Variants in TBC1D2 observed in about 807,000 individuals in gnomAD.
TBC1D2 encodes the protein TBC1 domain family member 2, also known as TBC1 domain family member 2A.
A neutral mutation model predicts 91.1 loss-of-function variants in TBC1D2; 58 were observed. The observed-to-expected ratio is 0.64, with a 90% CI of 0.52 to 0.79. The LOEUF is 0.79. Among genes scored for constraint, TBC1D2 ranks in the 30% least tolerant of loss-of-function variants. The pLI is 0.00. For missense variants in TBC1D2, 1,080 were observed against 1,208.3 expected, an observed-to-expected ratio of 0.89 and a Z score of 1.57; for synonymous variants, 482 against 511.5, an observed-to-expected ratio of 0.94 and a Z score of 0.78.
intron 6 of TBC1D2, among the ~76,000 whole-genome samples, chr9:98,219,648 T>C (rs984586544): frequency 6.6e-6 from 1 of 152,166 alleles, no homozygotes; most frequent in African/African-American, 2.4e-5. Context: ...CTGAATACCA[T>C]AGGTGGCTGT....
In TBC1D2 at chr9:98,244,076, CA is replaced by C; in HGVS notation, c.564del (p.Leu190Ter). 6.2e-7 allele frequency: 1 copy of C among 1,613,228 alleles called. No homozygotes were observed. The highest frequency in any genetic ancestry group is 8.5e-7 in the Non-Finnish European group (1 of 1,179,662). On this transcript the variant is annotated frameshift_variant, in exon 3 of 13. Coordinates refer to ENST00000465784, the MANE Select transcript of TBC1D2 (RefSeq NM_001267571.2). LOFTEE classifies it high-confidence loss of function. ...AAGGCAGCTGCCACGCCCACTAGCC[CA>C]GGGGGTGTTTTCACAGGGCACAGGA... ...EEFLCPVKTPPGLVGVAAALQ... is the reference protein window; with the variant it reads ...EEFLCPVKTPXGLVGVAAALQ...
intron 1 of TBC1D2, among the ~76,000 whole-genome samples, chr9:98,253,199 A>T (rs1475336295): frequency 6.6e-6 from 1 of 152,144 alleles, no homozygotes; most frequent in East Asian, 1.9e-4. Context: ...GGAACTTGAG[A>T]GTCTCCTGCA....
At chr9:98,219,127 T>C (rs569895189) in intron 6 of TBC1D2, among the ~76,000 whole-genome samples, 21 of 152,364 alleles carry the variant, frequency 1.4e-4, no homozygotes, top group African/African-American at 4.8e-4. Context: ...GTTTTCAGTC[T>C]TTGCTGAAAG....
chr9:98,224,702 T>C (rs1459846781), intron 5 of TBC1D2, among the ~76,000 whole-genome samples: 2 of 152,228 alleles, frequency 1.3e-5, no homozygotes, highest in African/African-American at 4.8e-5. Context: ...CTTTAAAAAA[T>C]AATCCTTTAT....
In TBC1D2 at chr9:98,220,755, G is replaced by A. The variant is rs1829074704; in HGVS notation, c.1374+78C>T. 4.0e-5 allele frequency: 62 copies of A among 1,556,528 alleles called. 1 individual carries two copies. In the South Asian group the frequency reaches 6.8e-4, roughly 17 times the overall value. Reference sequence around the variant, plus strand: ...CCCCACTCCACCTAGCAAACCCTTAGGGGTGGAGAGCGCACCTTCCCTGAG... The same window carrying A: ...CCCCACTCCACCTAGCAAACCCTTAAGGGTGGAGAGCGCACCTTCCCTGAG... On this transcript the variant is annotated intron_variant, in intron 6 of 12. Transcript: ENST00000465784.
rs1293926922 is a variant in TBC1D2, at chr9:98,201,042, A to G, written c.2457+437T>C. On this transcript the variant is annotated intron_variant, in intron 11 of 12. Coordinates refer to ENST00000465784, the MANE Select transcript of TBC1D2 (RefSeq NM_001267571.2). Reference sequence around the variant, plus strand: ...AAAAAAAAAAAAAAGAAAGAAAGAAATGAGAAATCTGTGGGTGCTTTGTAA... The same window carrying G: ...AAAAAAAAAAAAAAGAAAGAAAGAAGTGAGAAATCTGTGGGTGCTTTGTAA... Among the ~76,000 whole-genome samples the G allele has an allele frequency of 3.3e-5, 5 of 151,804 alleles. No individual in the cohort carries two copies. In the East Asian group the frequency reaches 5.8e-4, roughly 18 times the overall value.
In TBC1D2 at chr9:98,255,603, G is replaced by A. The variant is rs1333939539; in HGVS notation, c.-62C>T. ...CGCGGGACCACCAGGGACAAATCTC[G>A]GAGACTCGGCGGGCAGCTTCCCAAA... On this transcript the variant is annotated 5_prime_UTR_variant, in exon 1 of 13. Transcript: ENST00000465784. 8.4e-6 allele frequency: 12 copies of A among 1,426,626 alleles called. No individual in the cohort carries two copies. Among genetic ancestry groups the A allele is most frequent in the Non-Finnish European group, 1.0e-5 (11 of 1,094,466 alleles). The allele number at this position is 1,426,626 out of a possible 1,614,324, so 88.4% of individuals were successfully genotyped here. A position where few individuals can be genotyped will look rare whatever the true frequency, so the allele number is the denominator to read the frequency against.
rs747545565 is a variant in TBC1D2 at position 98,208,658 on chromosome 9, G to A, written c.2150+10C>T. 1 of 1,514,626 alleles carries A rather than the reference G, an allele frequency of 6.6e-7. No homozygotes were observed. The highest frequency in any genetic ancestry group is 8.8e-7 in the Non-Finnish European group (1 of 1,130,526). 93.8% of individuals were successfully genotyped at this position (1,514,626 alleles called of 1,614,324 possible). ...AAAGATCACACCTTCACTGGGCTTT[G>A]GTGGCTTACCTGTTCAGGCCCTGGC... On this transcript the variant is annotated intron_variant, in intron 9 of 12. Coordinates refer to ENST00000465784, the MANE Select transcript of TBC1D2 (RefSeq NM_001267571.2).
At position 98,221,021 on chromosome 9, in the gene TBC1D2, G is replaced by T. The variant is rs781338208; in HGVS notation, c.1186C>A (p.Gln396Lys). The change falls in exon 6 of 13, where the codon CAG becomes AAG. Residue 396 changes from glutamine (Q) to lysine (K), a missense_variant. Gln to Lys is a moderately conservative substitution (Grantham distance 53). Coordinates refer to ENST00000465784, the MANE Select transcript of TBC1D2 (RefSeq NM_001267571.2). ...ACGTGCTGCTGTAGCTCCTGCACCT[G>T]CTGCTCCCGCAGGCTCGCTGTGTGC... ...LAHTASLREQ[Q>K]VQELQQHVQL... 3.7e-6 allele frequency: 6 copies of T among 1,613,908 alleles called. No individual in the cohort carries two copies. In the South Asian group the frequency reaches 6.6e-5, roughly 18 times the overall value.
At chr9:98,233,578 G>A in intron 3 of TBC1D2, 29 bp from the exon 4 acceptor site, 1 of 1,611,792 alleles carries the variant, frequency 6.2e-7, no homozygotes, top group Non-Finnish European at 8.5e-7. Context: ...AGAGGAGCAT[G>A]AGGCTGAACC....
chr9:98,220,766 C>A (rs76685060), intron 6 of TBC1D2, 67 bp downstream of exon 6: 1 of 1,576,562 alleles, frequency 6.3e-7, no homozygotes, highest in Non-Finnish European at 8.6e-7. Context: ...GGGTGGAGAG[C>A]GCACCTTCCC....
chr9:98,200,823 C>G (rs918337567), intron 11 of TBC1D2, among the ~76,000 whole-genome samples: 19 of 152,102 alleles, frequency 1.2e-4, no homozygotes, highest in African/African-American at 3.9e-4. Context: ...CGAGACCAGC[C>G]TGGCCAACAT....
At chr9:98,208,215 G>T (rs988207291) in intron 9 of TBC1D2, among the ~76,000 whole-genome samples, 3 of 152,116 alleles carry the variant, frequency 2.0e-5, no homozygotes, top group South Asian at 2.1e-4. Flanking sequence ...CCTCTCACCA[G>T]CCTGTGGGTG....
At chr9:98,225,288 T>C (rs1829204410) in intron 5 of TBC1D2, among the ~76,000 whole-genome samples, 1 of 152,216 alleles carries the variant, frequency 6.6e-6, no homozygotes, top group Non-Finnish European at 1.5e-5. Flanking sequence ...CAATCAGCCA[T>C]CTGGTGCTAT....
At chr9:98,219,884 C>T (rs1025448131) in intron 6 of TBC1D2, among the ~76,000 whole-genome samples, 1 of 152,156 alleles carries the variant, frequency 6.6e-6, no homozygotes, top group Non-Finnish European at 1.5e-5. Context: ...TTGTATGGCT[C>T]CCTTTACGGA....
intron 2 of TBC1D2, among the ~76,000 whole-genome samples, chr9:98,250,842 A>G (rs1488966246): frequency 6.6e-6 from 1 of 152,134 alleles, no homozygotes; most frequent in East Asian, 1.9e-4. Context: ...AAAACCTGCC[A>G]ATCATGTTCC....
At chr9:98,202,800 T>C (rs890166983) in intron 10 of TBC1D2, among the ~76,000 whole-genome samples, 1 of 152,258 alleles carries the variant, frequency 6.6e-6, no homozygotes, top group African/African-American at 2.4e-5. Flanking sequence ...ATTTCAGAGA[T>C]GTTAAGATGT....
intron 9 of TBC1D2, among the ~76,000 whole-genome samples, chr9:98,203,869 A>G (rs1828578101): frequency 6.6e-6 from 1 of 152,170 alleles, no homozygotes; most frequent in South Asian, 2.1e-4. Context: ...TGGCAAGTAC[A>G]CTAACCTCTC....
At chr9:98,224,073 G>T (rs1380598544) in intron 5 of TBC1D2, among the ~76,000 whole-genome samples, 1 of 151,880 alleles carries the variant, frequency 6.6e-6, no homozygotes, top group Admixed American at 6.6e-5. Flanking sequence ...GGTGGCGGGT[G>T]CCTGTAGTCC....
Sources: gnomAD v4.1 joint callset for allele counts (sites outside exome capture counted in the v4.1 genomes callset) on GRCh38, gnomAD v4.1.1 for gene constraint, MANE v1.5 for transcripts, NCBI Gene and HGNC (gene_info 2026-07-23, HGNC 2026-07-21) for gene names.